The following MED13 variants were observed in gnomAD, a reference collection of about 807,000 sequenced individuals.
MED13 encodes mediator complex subunit 13.
A neutral mutation model predicts 225.2 loss-of-function variants in MED13; 23 were observed. The ratio of observed to expected loss-of-function variants is 0.10; its 90% CI spans 0.07 to 0.14. The LOEUF (loss-of-function observed/expected upper bound fraction) is 0.14. Ranked by LOEUF, MED13 falls within the 10% of genes least tolerant of loss-of-function variation. MED13 has a pLI of 1.00. For missense variants in MED13, 2,197 were observed against 2,594.5 expected, an observed-to-expected ratio of 0.85 and a Z score of 3.33; for synonymous variants, 942 against 889.2, an observed-to-expected ratio of 1.06 and a Z score of -1.06.
Position 62,015,938 on chromosome 17 carries a change from A to T in MED13, c.1284-4705T>A, listed in dbSNP as rs1341298102. ...CACATATATATATATATATATATAT[A>T]TATATATATATATATATTTTTTTTT... On this transcript the variant is annotated intron_variant, in intron 8 of 29. Coordinates refer to ENST00000397786, the MANE Select transcript of MED13 (RefSeq NM_005121.3). 1.0e-3 allele frequency among the ~76,000 whole-genome samples: 9 copies of T among 9,002 alleles called. 1 individual carries two copies. In the South Asian group the frequency reaches 0.023, roughly 23 times the overall value. 5.9% of individuals were successfully genotyped at this position (9,002 alleles called of 152,430 possible).
chr17:61,969,611 GT>G (rs2080089804), intron 17 of MED13, among the ~76,000 whole-genome samples: 1 of 151,272 alleles, frequency 6.6e-6, no homozygotes, highest in South Asian at 2.1e-4. Context: ...GTTTTTTTTT[GT>G]TTTGTTTTTG....
intron 3 of MED13, among the ~76,000 whole-genome samples, chr17:62,046,934 C>T (rs2080902743): frequency 6.6e-6 from 1 of 151,616 alleles, no homozygotes; most frequent in Non-Finnish European, 1.5e-5. Flanking sequence ...TAACTCAATG[C>T]AGCCTCAATC....
chr17:62,048,136 T>C (rs2080919168), intron 3 of MED13, among the ~76,000 whole-genome samples: 1 of 148,182 alleles, frequency 6.7e-6, no homozygotes, highest in South Asian at 2.1e-4. Flanking sequence ...CTGGACACAG[T>C]GGCTCACACC....
In MED13 at chr17:61,946,449, C is replaced by A. The variant is rs1244114653; in HGVS notation, c.*19G>T. 1 of 1,609,864 alleles carries A rather than the reference C, an allele frequency of 6.2e-7. No individual in the cohort carries two copies. Reference sequence around the variant, plus strand: ...CATTTTTCCTTGTTCTTTTCTTGCACAGTTCCATCAAATGAAGATCACAGC... The same window carrying A: ...CATTTTTCCTTGTTCTTTTCTTGCAAAGTTCCATCAAATGAAGATCACAGC... On this transcript the variant is annotated 3_prime_UTR_variant, in exon 30 of 30. Transcript: ENST00000397786.
Position 61,960,997 on chromosome 17 carries a change from C to T in MED13, c.5350G>A (p.Gly1784Arg), listed in dbSNP as rs1305188304. Residue 1784 changes from glycine to arginine, a missense_variant, in exon 23 of 30, where the codon GGA (glycine) becomes AGA (arginine). Gly to Arg is a moderately radical substitution (Grantham distance 125). Around this residue, in one of 12 missense-constraint regions of MED13, gnomAD observed 78 missense variants for 82.1 expected, o/e 0.95. Transcript: ENST00000397786. The part of the protein sequence containing the change: ...TELGETFGEA[G>R]QKYNVLFVGY... ...ACAAAAAGAACATTATATTTCTGTCCAGCTTCTCCAAATGTTTCTCCTAGC... is the reference window on the plus strand; with the variant it reads ...ACAAAAAGAACATTATATTTCTGTCTAGCTTCTCCAAATGTTTCTCCTAGC... 6.2e-7 allele frequency: 1 copy of T among 1,613,908 alleles called. No individual in the cohort carries two copies. The highest frequency in any genetic ancestry group is 8.5e-7 in the Non-Finnish European group (1 of 1,179,960).
In MED13 at chr17:61,958,739, T is replaced by C. The variant is rs544293813; in HGVS notation, c.5480+2128A>G. Among the ~76,000 whole-genome samples, 28 of 152,148 alleles carry C rather than the reference T, an allele frequency of 1.8e-4. No individual in the cohort carries two copies. The South Asian group carries it at 5.6e-3, about 30-fold the overall frequency. On this transcript the variant is annotated intron_variant, in intron 23 of 29. Transcript: ENST00000397786. ...CCGCCCACCTTGCCCTCCCAAAGTG[T>C]TGGGATTACAGGCATAAGCAACCGT... is the stretch of plus-strand genomic sequence containing the variant.
chr17:62,033,449 C>G (rs2080775139), intron 5 of MED13, among the ~76,000 whole-genome samples: 1 of 152,176 alleles, frequency 6.6e-6, no homozygotes, highest in South Asian at 2.1e-4. Flanking sequence ...CTAGCTTTGT[C>G]TAATGCAATG....
intron 9 of MED13, among the ~76,000 whole-genome samples, chr17:62,009,400 A>G (rs1464623891): frequency 6.6e-6 from 1 of 152,196 alleles, no homozygotes; most frequent in Non-Finnish European, 1.5e-5. Flanking sequence ...GAAAAAAAAG[A>G]AAAATGGACT....
At chr17:62,062,921 T>C (rs548174424) in intron 2 of MED13, 146 bp downstream of exon 2, 9 of 598,938 alleles carry the variant, frequency 1.5e-5, no homozygotes, top group African/African-American at 1.3e-4. Context: ...AAAATAATCA[T>C]GGTGAAATAA....
chr17:62,020,858 T>C (rs2080636237), intron 8 of MED13, among the ~76,000 whole-genome samples: 1 of 152,090 alleles, frequency 6.6e-6, no homozygotes, highest in African/African-American at 2.4e-5. Flanking sequence ...TTTGTGTCCC[T>C]GGGTACTTGA....
intron 16 of MED13, among the ~76,000 whole-genome samples, chr17:61,980,472 G>C (rs531803356): frequency 6.6e-6 from 1 of 152,226 alleles, no homozygotes; most frequent in African/African-American, 2.4e-5. Context: ...ATGTGTATCT[G>C]ATTTACTCCC....
At chr17:62,014,897 A>C (rs2080548136) in intron 8 of MED13, among the ~76,000 whole-genome samples, 1 of 152,234 alleles carries the variant, frequency 6.6e-6, no homozygotes, top group Non-Finnish European at 1.5e-5. Context: ...AGTATTGGAT[A>C]GCTCAGCTCT....
intron 28 of MED13, among the ~76,000 whole-genome samples, chr17:61,949,509 G>A (rs570032808): frequency 5.3e-5 from 8 of 152,260 alleles, no homozygotes; most frequent in Admixed American, 1.3e-4. Flanking sequence ...TTATAGGGGT[G>A]AATCGCTGTG....
At chr17:62,007,615 G>C (rs566708746) in intron 9 of MED13, 2 of 152,266 alleles carry the variant, frequency 1.3e-5, no homozygotes, top group Non-Finnish European at 2.9e-5. Flanking sequence ...TTAGGAGGCC[G>C]AGGCGGGCGG....
intron 16 of MED13, among the ~76,000 whole-genome samples, chr17:61,973,275 A>G (rs749601920): frequency 3.9e-5 from 6 of 152,184 alleles, no homozygotes; most frequent in Non-Finnish European, 1.5e-5. Flanking sequence ...CATTAGCACT[A>G]CTATGGTAAA....
chr17:62,014,592 C>G (rs951205873), intron 8 of MED13, among the ~76,000 whole-genome samples: 1 of 152,150 alleles, frequency 6.6e-6, no homozygotes, highest in Non-Finnish European at 1.5e-5. Context: ...GCTGGGATTA[C>G]AGGCATTAGC....
At chr17:62,044,881 C>T (rs369035622) in intron 3 of MED13, among the ~76,000 whole-genome samples, 1 of 152,278 alleles carries the variant, frequency 6.6e-6, no homozygotes, top group East Asian at 1.9e-4. Context: ...AGGCTAGTCT[C>T]GAACTCCTGA....
intron 28 of MED13, 128 bp downstream of exon 28, chr17:61,950,697 G>C: frequency 1.1e-6 from 1 of 913,128 alleles, no homozygotes; most frequent in East Asian, 2.8e-5. Flanking sequence ...CTTGTTTAAA[G>C]AGTCACATAT....
chr17:61,955,979 A>G, intron 24 of MED13, 141 bp from the exon 25 acceptor site: 3 of 1,303,372 alleles, frequency 2.3e-6, no homozygotes. Context: ...CTCCAACACG[A>G]GTCATCATCA....
Sources: gnomAD v4.1 joint callset for allele counts (sites outside exome capture counted in the v4.1 genomes callset) on GRCh38, gnomAD v4.1.1 for gene constraint, gnomAD v4.1.1 regional missense constraint, MANE v1.5 for transcripts, NCBI Gene and HGNC (gene_info 2026-07-23, HGNC 2026-07-21) for gene names.